The following FGFR1 variants were observed in gnomAD, a reference collection of about 807,000 sequenced individuals.
The protein encoded by FGFR1 is fibroblast growth factor receptor 1.
FGFR1 carries 18 observed loss-of-function variants against 93.7 expected under a neutral mutation model. The observed-to-expected ratio is 0.19, with a 90% CI of 0.13 to 0.28. The LOEUF is 0.28. Ranked by LOEUF, FGFR1 falls within the 10% of genes least tolerant of loss-of-function variation. FGFR1 has a pLI of 1.00. For synonymous variants in FGFR1, 448 were observed against 429.3 expected (o/e 1.04, Z -0.54); for missense variants, 731 against 1,080.4 (o/e 0.68, Z 4.53).
rs757164776 is a variant in FGFR1 at position 38,412,418 on chromosome 8, C to A, written c.*1210G>T. The stretch of plus-strand genomic sequence containing the variant: ...GTAGGTGCCCCCTCCCCAGCCCAAC[C>A]CCACCGGTTTCCTTGGAGGAAACCA... On this transcript the variant is annotated 3_prime_UTR_variant, in exon 18 of 18. Coordinates refer to ENST00000447712, the MANE Select transcript of FGFR1 (RefSeq NM_023110.3). 5 of 232,884 alleles carry A rather than the reference C, an allele frequency of 2.1e-5. No homozygotes were observed. The highest frequency in any genetic ancestry group is 4.2e-5 in the Non-Finnish European group (5 of 117,904). 14.4% of individuals were successfully genotyped at this position (232,884 alleles called of 1,614,324 possible).
At chr8:38,416,761 T>C (rs537342473) in intron 12 of FGFR1, among the ~76,000 whole-genome samples, 20 of 151,266 alleles carry the variant, frequency 1.3e-4, no homozygotes, top group African/African-American at 4.9e-4. Flanking sequence ...GGCCTATTTA[T>C]TTATTTTATT....
intron 2 of FGFR1, among the ~76,000 whole-genome samples, chr8:38,447,445 T>C (rs1829718156): frequency 6.6e-6 from 1 of 152,026 alleles, no homozygotes; most frequent in African/African-American, 2.4e-5. Flanking sequence ...ATTGTAAAAA[T>C]GGGAAAATGT....
intron 1 of FGFR1, among the ~76,000 whole-genome samples, chr8:38,461,531 A>G (rs1450315510): frequency 6.6e-6 from 1 of 151,882 alleles, no homozygotes; most frequent in Non-Finnish European, 1.5e-5. Flanking sequence ...CTGGTAATGA[A>G]CTCCTGGGCT....
At chr8:38,418,095 A>G (rs1321961561) in intron 10 of FGFR1, 104 bp from the exon 11 acceptor site, 1 of 1,608,504 alleles carries the variant, frequency 6.2e-7, no homozygotes, top group South Asian at 1.1e-5. Flanking sequence ...CTGCGAGCAG[A>G]AAGTGGAATG....
In FGFR1 at chr8:38,427,916, C is replaced by T. The variant is rs749785341; in HGVS notation, c.621+5G>A. 43 of 1,614,140 alleles carry T rather than the reference C, an allele frequency of 2.7e-5. No homozygotes were observed. The highest frequency in any genetic ancestry group is 3.5e-5 in the Non-Finnish European group (41 of 1,180,056). ...ACTCTAACTTTCGCATGCACACACA[C>T]GTACCTTGTAGCCTCCAATTCTGTG... On this transcript the variant is annotated splice_donor_5th_base_variant and intron_variant, in intron 5 of 17. Transcript: ENST00000447712.
chr8:38,427,358 C>T (rs1821165557), intron 5 of FGFR1, among the ~76,000 whole-genome samples: 1 of 152,174 alleles, frequency 6.6e-6, no homozygotes, highest in Admixed American at 6.5e-5. Flanking sequence ...CAGCTCACTG[C>T]AACCTCTGTC....
chr8:38,432,997 G>A (rs1478979933), intron 2 of FGFR1, among the ~76,000 whole-genome samples: 2 of 146,348 alleles, frequency 1.4e-5, no homozygotes, highest in Non-Finnish European at 3.0e-5. Flanking sequence ...GACTGTCAGC[G>A]CCACTCCAGA....
chr8:38,436,795 T>C lies in FGFR1; in HGVS notation c.92-6847A>G, dbSNP rs148004970. Among the ~76,000 whole-genome samples, 38 of 152,238 alleles carry C rather than the reference T, an allele frequency of 2.5e-4. No homozygotes were observed. In the East Asian group the frequency reaches 7.2e-3, roughly 29 times the overall value. ...CTTTCAAGTTCAGGAACACGATTAATGATAATGAGGCCCTACTGAATCCCT... is the reference window on the plus strand; with the variant it reads ...CTTTCAAGTTCAGGAACACGATTAACGATAATGAGGCCCTACTGAATCCCT... On this transcript the variant is annotated intron_variant, in intron 2 of 17. Coordinates refer to ENST00000447712, the MANE Select transcript of FGFR1 (RefSeq NM_023110.3).
intron 13 of FGFR1, among the ~76,000 whole-genome samples, chr8:38,415,462 T>A (rs976582730): frequency 2.0e-5 from 3 of 146,628 alleles, no homozygotes; most frequent in East Asian, 3.9e-4. Context: ...CCCAGCTAAT[T>A]TTTTAATTTT....
rs2150549309 is a variant in FGFR1, at chr8:38,414,577, T to C, written c.2030A>G (p.Tyr677Cys). ...MAPEALFDRI[Y>C]THQSDVWSFG... ...AACTCACACATCACTCTGGTGGGTGTAGATCCGGTCAAATAATGCCTCGGG... is the reference window on the plus strand; with the variant it reads ...AACTCACACATCACTCTGGTGGGTGCAGATCCGGTCAAATAATGCCTCGGG... Residue 677 changes from tyrosine (Y) to cysteine (C), a missense_variant, in exon 15 of 18, where the codon TAC becomes TGC. Coordinates refer to ENST00000447712, the MANE Select transcript of FGFR1 (RefSeq NM_023110.3). 6.2e-7 allele frequency: 1 copy of C among 1,613,966 alleles called. No individual in the cohort carries two copies. The highest frequency in any genetic ancestry group is 1.1e-5 in the South Asian group (1 of 91,074).
At position 38,457,389 on chromosome 8, in the gene FGFR1, T is replaced by G. The variant is rs1563627473; in HGVS notation, c.58A>C (p.Thr20Pro). The G allele has an allele frequency of 1.2e-6, 2 of 1,613,872 alleles. No individual in the cohort carries two copies. Residue 20 changes from threonine (T) to proline (P), a missense_variant, in exon 2 of 18, where the codon ACC (threonine) becomes CCC (proline). By Grantham distance (38) the Thr-to-Pro change is conservative. Transcript: ENST00000447712. Reference sequence around the variant, plus strand: ...GGCAAGGTCGGGGACGGCCTAGCGGTGCAGAGTGTGGCTGTGACCAGCACA... The same window carrying G: ...GGCAAGGTCGGGGACGGCCTAGCGGGGCAGAGTGTGGCTGTGACCAGCACA... Reference protein sequence around the residue: ...WAVLVTATLCTARPSPTLPEQ... With the variant: ...WAVLVTATLCPARPSPTLPEQ...
intron 2 of FGFR1, chr8:38,440,248 C>T: frequency 6.8e-7 from 1 of 1,478,586 alleles, no homozygotes; most frequent in Non-Finnish European, 9.3e-7. Flanking sequence ...CTCCGGGGGC[C>T]CTCTGCAGAG....
In FGFR1 at chr8:38,428,389, AGAG is replaced by A. The variant is rs747226534; in HGVS notation, c.402_404del (p.Ser136del). On this transcript the variant is annotated inframe_deletion, in exon 4 of 18. Transcript: ENST00000447712. ...TGTTATCTGTTTCTTTCTCCTCTGAAGAGGAGTCATCATCATCATCATCATCCT... is the reference window on the plus strand; with the variant it reads ...TGTTATCTGTTTCTTTCTCCTCTGAAGAGTCATCATCATCATCATCATCCT... The A allele has an allele frequency of 1.2e-6, 2 of 1,614,048 alleles. No individual in the cohort carries two copies. The highest frequency in any genetic ancestry group is 1.7e-6 in the Non-Finnish European group (2 of 1,180,020).
At chr8:38,445,625 G>A (rs1829035977) in intron 2 of FGFR1, among the ~76,000 whole-genome samples, 1 of 151,954 alleles carries the variant, frequency 6.6e-6, no homozygotes, top group African/African-American at 2.4e-5. Context: ...TGCAACCTCC[G>A]CCTCCTGGAT....
intron 1 of FGFR1, among the ~76,000 whole-genome samples, chr8:38,465,073 C>A (rs1285846334): frequency 6.6e-6 from 1 of 152,210 alleles, no homozygotes; most frequent in East Asian, 1.9e-4. Context: ...CCTCTGGAGT[C>A]CACCAGGAAT....
chr8:38,448,138 GA>G (rs1305567103), intron 2 of FGFR1, among the ~76,000 whole-genome samples: 1 of 152,066 alleles, frequency 6.6e-6, no homozygotes, highest in African/African-American at 2.4e-5. Flanking sequence ...ATAAATGCAA[GA>G]AAAAAGTCTA....
rs1240608368 is a variant in FGFR1, at chr8:38,420,204, G to A, written c.1082-469C>T. On this transcript the variant is annotated intron_variant, in intron 8 of 17. Transcript: ENST00000447712. ...GAGTCCTCTGTCCCTAAGAAGACAC[G>A]GGGTCCCTGAGGGCAGGGTTGGTGC... The A allele has an allele frequency of 1.7e-5, 3 of 177,432 alleles. No homozygotes were observed. The East Asian group carries it at 3.9e-4, about 23-fold the overall frequency. The allele number at this position is 177,432 out of a possible 1,614,324, so 11.0% of individuals were successfully genotyped here.
intron 2 of FGFR1, among the ~76,000 whole-genome samples, 160 bp downstream of exon 2, chr8:38,457,196 A>G (rs1374219739): frequency 5.9e-5 from 9 of 152,162 alleles, no homozygotes. Flanking sequence ...GAACCAACCC[A>G]GGTATCTTGA....
At chr8:38,442,657 C>A (rs184965479) in intron 2 of FGFR1, among the ~76,000 whole-genome samples, 4 of 152,150 alleles carry the variant, frequency 2.6e-5, no homozygotes, top group African/African-American at 4.8e-5. Context: ...GCCCTCCCCC[C>A]ACCTCTCCCA....
Sources: allele counts gnomAD v4.1 joint callset (sites outside exome capture counted in the v4.1 genomes callset), GRCh38; gene constraint gnomAD v4.1.1; transcripts MANE v1.5; gene names NCBI Gene and HGNC (gene_info 2026-07-23, HGNC 2026-07-21).